SCN11A: variants seen among roughly 807,000 people sequenced by gnomAD.
SCN11A encodes sodium voltage-gated channel alpha subunit 11.
A neutral mutation model predicts 162.2 loss-of-function variants in SCN11A; 122 were observed. The ratio of observed to expected loss-of-function variants is 0.75; its 90% CI spans 0.65 to 0.87. The LOEUF (loss-of-function observed/expected upper bound fraction) is 0.87. Ranked by LOEUF, SCN11A falls within the 40% of genes least tolerant of loss-of-function variation. SCN11A has a pLI of 0.00. For synonymous variants in SCN11A, 758 were observed against 751.5 expected (o/e 1.01, Z -0.14); for missense variants, 2,015 against 2,181.6 (o/e 0.92, Z 1.52).
intron 2 of SCN11A, among the ~76,000 whole-genome samples, chr3:39,011,529 GA>G (rs1192654237): frequency 6.6e-6 from 1 of 152,186 alleles, no homozygotes; most frequent in African/African-American, 2.4e-5. Context: ...CCATTTGGTG[GA>G]GGTCCAGGTT....
At chr3:38,909,268 A>C in intron 12 of SCN11A, 74 bp from the exon 13 acceptor site, 1 of 1,399,430 alleles carries the variant, frequency 7.1e-7, no homozygotes, top group Non-Finnish European at 1.0e-6. Context: ...TCAAGCAAAA[A>C]CCACACAGTA....
intron 23 of SCN11A, among the ~76,000 whole-genome samples, chr3:38,873,048 T>C (rs2065154634): frequency 6.6e-6 from 1 of 152,208 alleles, no homozygotes; most frequent in African/African-American, 2.4e-5. Flanking sequence ...TTCTTCTCAA[T>C]AGGACAGAAC....
chr3:38,988,216 G>A (rs1398636825), intron 2 of SCN11A, among the ~76,000 whole-genome samples: 1 of 152,086 alleles, frequency 6.6e-6, no homozygotes, highest in Non-Finnish European at 1.5e-5. Flanking sequence ...CAGCCTTGAT[G>A]CCTGCCCTTA....
At chr3:39,001,265 C>G (rs554191486) in intron 2 of SCN11A, among the ~76,000 whole-genome samples, 6 of 152,174 alleles carry the variant, frequency 3.9e-5, no homozygotes, top group Non-Finnish European at 8.8e-5. Context: ...ACTCCATATC[C>G]GTTACAAAGC....
Position 38,850,526 on chromosome 3 carries a change from C to T in SCN11A, c.4282G>A (p.Gly1428Ser), listed in dbSNP as rs201336927. The change falls in exon 29 of 30, where the codon GGC (glycine) becomes AGC (serine). Residue 1428 changes from glycine to serine, a missense_variant. By Grantham distance (56) the Gly-to-Ser change is moderately conservative. Transcript: ENST00000302328. ...FALRQYYFTN[G>S]WNLFDCVVVL... is the part of the protein sequence containing the mutation. ...ACCACACAGTCAAATAAATTCCAGC[C>T]ATTGGTGAAGTAGTATTGCCTCAAA... The T allele has an allele frequency of 2.9e-4, 471 of 1,613,578 alleles. No individual in the cohort carries two copies. Among genetic ancestry groups the T allele is most frequent in the Non-Finnish European group, 3.8e-4 (446 of 1,179,792 alleles).
chr3:38,982,417 TTC>T (rs2030089379), intron 2 of SCN11A, among the ~76,000 whole-genome samples: 1 of 152,222 alleles, frequency 6.6e-6, no homozygotes, highest in African/African-American at 2.4e-5. Flanking sequence ...GCATCCTTTT[TTC>T]TTAATGGTTT....
chr3:38,929,597 C>G (rs1042608021), intron 7 of SCN11A, among the ~76,000 whole-genome samples: 2 of 152,174 alleles, frequency 1.3e-5, no homozygotes, highest in Non-Finnish European at 2.9e-5. Context: ...CCCTTCCTTT[C>G]TCTTCCCTGA....
intron 2 of SCN11A, among the ~76,000 whole-genome samples, chr3:38,972,307 A>G (rs1198498674): frequency 6.6e-6 from 1 of 151,878 alleles, no homozygotes; most frequent in African/African-American, 2.4e-5. Flanking sequence ...ACCACCATTC[A>G]CCCTCCAGCT....
At position 39,018,400 on chromosome 3, in the gene SCN11A, C is replaced by T. The variant is rs866478307; in HGVS notation, c.-280+13980G>A. Reference sequence around the variant, plus strand: ...ACTTCTCCTCAACTCAAGGAAGCTACTGTACTCTGCTGGGTTCCCCTTCCT... The same window carrying T: ...ACTTCTCCTCAACTCAAGGAAGCTATTGTACTCTGCTGGGTTCCCCTTCCT... On this transcript the variant is annotated intron_variant, in intron 2 of 29. Transcript: ENST00000302328. Among the ~76,000 whole-genome samples the T allele has an allele frequency of 3.3e-5, 5 of 152,342 alleles. 1 individual carries two copies. The Middle Eastern group carries it at 0.01, about 311-fold the overall frequency.
chr3:38,855,707 G>A (rs2064857395), intron 28 of SCN11A, among the ~76,000 whole-genome samples: 1 of 152,126 alleles, frequency 6.6e-6, no homozygotes, highest in Admixed American at 6.6e-5. Context: ...ACTAACCAGA[G>A]GTCCTGAGTC....
chr3:38,955,248 C>T (rs1016831495), intron 3 of SCN11A, among the ~76,000 whole-genome samples: 3 of 152,192 alleles, frequency 2.0e-5, no homozygotes, highest in Non-Finnish European at 4.4e-5. Flanking sequence ...GATCACTCTA[C>T]TGCACTTGAG....
At chr3:38,971,276 G>C (rs2066815492) in intron 2 of SCN11A, among the ~76,000 whole-genome samples, 1 of 152,010 alleles carries the variant, frequency 6.6e-6, no homozygotes, top group Admixed American at 6.6e-5. Flanking sequence ...CTCAGCAGAA[G>C]AGACACGTGA....
intron 2 of SCN11A, among the ~76,000 whole-genome samples, chr3:38,995,246 G>A (rs1177767594): frequency 4.0e-5 from 6 of 151,042 alleles, no homozygotes; most frequent in Non-Finnish European, 7.4e-5. Flanking sequence ...TCAGCCTCCC[G>A]AGTACCTGGG....
intron 2 of SCN11A, among the ~76,000 whole-genome samples, chr3:38,987,886 C>T (rs527498107): frequency 6.6e-6 from 1 of 152,232 alleles, no homozygotes; most frequent in Admixed American, 6.5e-5. Context: ...TTTCTGTCTC[C>T]AGCCCACATT....
chr3:38,918,101 T>C (rs73828714), intron 11 of SCN11A, among the ~76,000 whole-genome samples: 2,412 of 152,096 alleles, frequency 0.016, 63 homozygotes, highest in African/African-American at 0.056. Flanking sequence ...TAAGAGATTT[T>C]GGAGGCAAAA....
chr3:38,895,656 G>A (rs563768442), intron 18 of SCN11A, among the ~76,000 whole-genome samples: 4 of 152,190 alleles, frequency 2.6e-5, no homozygotes, highest in Admixed American at 6.5e-5. Context: ...GGAGAGAAGT[G>A]CCTGGTGGGT....
rs115700821 is a variant in SCN11A at position 38,964,172 on chromosome 3, C to T, written c.-279-3749G>A. Among the ~76,000 whole-genome samples the T allele has an allele frequency of 8.8e-3, 1,335 of 152,294 alleles. 20 individuals carry two copies. Among genetic ancestry groups the T allele is most frequent in the African/African-American group, 0.029 (1,215 of 41,556 alleles). ...TGTCAACAACAGACACGTTCAGAGG[C>T]GCCCCACATTTGCATCCTTGGAGCC... On this transcript the variant is annotated intron_variant, in intron 2 of 29. Transcript: ENST00000302328.
chr3:38,876,785 C>T (rs1483760579), intron 23 of SCN11A, among the ~76,000 whole-genome samples: 1 of 151,970 alleles, frequency 6.6e-6, no homozygotes, highest in African/African-American at 2.4e-5. Flanking sequence ...CTATGGAAAA[C>T]AATGTGGAGA....
intron 1 of SCN11A, among the ~76,000 whole-genome samples, chr3:39,050,810 CTA>C (rs1457702372): frequency 1.3e-5 from 2 of 152,192 alleles, no homozygotes; most frequent in Non-Finnish European, 2.9e-5. Context: ...TTTCTTCAAA[CTA>C]GTCTTTGAAA....
Sources: gnomAD v4.1 joint callset for allele counts (sites outside exome capture counted in the v4.1 genomes callset) on GRCh38, gnomAD v4.1.1 for gene constraint, MANE v1.5 for transcripts, NCBI Gene and HGNC (gene_info 2026-07-23, HGNC 2026-07-21) for gene names.